Variants in CEBPZ observed in about 807,000 individuals in gnomAD.
CEBPZ encodes CCAAT enhancer binding protein zeta, also known as CCAAT/enhancer-binding protein zeta.
In CEBPZ, 78 loss-of-function variants were observed where a neutral mutation model predicts 104.5. The ratio of observed to expected loss-of-function variants is 0.75; its 90% CI spans 0.62 to 0.90. The LOEUF (loss-of-function observed/expected upper bound fraction) is 0.90, where lower values mean the gene tolerates loss of function less well. CEBPZ is among the 40% of genes least tolerant of loss of function. The pLI is 0.00. For synonymous variants in CEBPZ, 470 were observed against 427.0 expected (o/e 1.10, Z -1.24); for missense variants, 1,439 against 1,233.5 (o/e 1.17, Z -2.50).
At chr2:37,212,587 C>T (rs1439482653) in intron 10 of CEBPZ, 195 bp from the exon 11 acceptor site, 6 of 531,406 alleles carry the variant, frequency 1.1e-5, no homozygotes, top group Non-Finnish European at 2.0e-5. Context: ...TTAGTTAAAT[C>T]CCAAAACTAA....
intron 2 of CEBPZ, among the ~76,000 whole-genome samples, chr2:37,226,951 T>G (rs982814240): frequency 3.3e-5 from 5 of 151,928 alleles, no homozygotes; most frequent in African/African-American, 1.2e-4. Context: ...CCCCCAAAAC[T>G]CTCTACTTAA....
intron 1 of CEBPZ, among the ~76,000 whole-genome samples, chr2:37,229,285 G>T (rs1664975167): frequency 6.6e-6 from 1 of 151,218 alleles, no homozygotes; most frequent in Non-Finnish European, 1.5e-5. Context: ...ATTATAAACT[G>T]GAAAAAAAAT....
chr2:37,210,639 G>A (rs557340739), intron 13 of CEBPZ: 50 of 164,996 alleles, frequency 3.0e-4, no homozygotes, highest in Middle Eastern at 5.8e-3. Flanking sequence ...GGGAGGCAGT[G>A]GGGGATAAGA....
Position 37,201,665 on chromosome 2 carries a change from T to C in CEBPZ, c.*99A>G, listed in dbSNP as rs1465068358. On this transcript the variant is annotated 3_prime_UTR_variant, in exon 16 of 16. Coordinates refer to ENST00000234170, the MANE Select transcript of CEBPZ (RefSeq NM_005760.3). ...AGTTTATTACAAATCCACTGAGAAG[T>C]CTGGAATGTATGGAATCAGAGAGCT... 3 of 782,576 alleles carry C rather than the reference T, an allele frequency of 3.8e-6. No homozygotes were observed. Among genetic ancestry groups the C allele is most frequent in the Non-Finnish European group, 6.7e-6 (3 of 446,242 alleles). The allele number at this position is 782,576 out of a possible 1,614,324, so 48.5% of individuals were successfully genotyped here.
intron 5 of CEBPZ, among the ~76,000 whole-genome samples, chr2:37,219,530 C>A (rs1293634516): frequency 6.6e-6 from 1 of 151,902 alleles, no homozygotes; most frequent in African/African-American, 2.4e-5. Flanking sequence ...AGTATCAGTG[C>A]CACCGTCAAC....
At chr2:37,202,906 T>C in intron 14 of CEBPZ, 41 bp from the exon 15 acceptor site, 2 of 1,593,224 alleles carry the variant, frequency 1.3e-6, no homozygotes, top group South Asian at 1.1e-5. Context: ...AAACTAAAAA[T>C]AATGTAGAAT....
intron 2 of CEBPZ, among the ~76,000 whole-genome samples, chr2:37,224,815 A>T (rs1339083026): frequency 6.6e-6 from 1 of 152,242 alleles, no homozygotes; most frequent in Non-Finnish European, 1.5e-5. Flanking sequence ...AAGAGCAAAC[A>T]AACACTTTAA....
Position 37,228,711 on chromosome 2 carries a change from T to G in CEBPZ, c.482A>C (p.Lys161Thr), listed in dbSNP as rs777001367. Residue 161 changes from lysine to threonine, a missense_variant, in exon 2 of 16, where the codon AAA becomes ACA. Coordinates refer to ENST00000234170, the MANE Select transcript of CEBPZ (RefSeq NM_005760.3). Reference sequence around the variant, plus strand: ...AAATTCAAAGATGTTCTGTTTATCTTTCTTTACTTTCGGTGTGGTACTGCC... The same window carrying G: ...AAATTCAAAGATGTTCTGTTTATCTGTCTTTACTTTCGGTGTGGTACTGCC... ...ENGSTTPKVK[K>T]DKQNIFEFFE... 1.2e-6 allele frequency: 2 copies of G among 1,614,128 alleles called. No individual in the cohort carries two copies. Among genetic ancestry groups the G allele is most frequent in the Non-Finnish European group, 1.7e-6 (2 of 1,180,046 alleles).
chr2:37,230,068 T>G (rs2148366317), intron 1 of CEBPZ, among the ~76,000 whole-genome samples: 1 of 152,328 alleles, frequency 6.6e-6, no homozygotes, highest in East Asian at 1.9e-4. Flanking sequence ...TTAACTGTAG[T>G]ATTATTTAAA....
intron 4 of CEBPZ, among the ~76,000 whole-genome samples, 159 bp downstream of exon 4, chr2:37,222,221 T>C (rs375572371): frequency 2.6e-5 from 4 of 152,104 alleles, no homozygotes; most frequent in Non-Finnish European, 4.4e-5. Context: ...GAGGCGGAGG[T>C]TGCAGTGAGC....
At chr2:37,221,514 T>C (rs1383763962) in intron 4 of CEBPZ, among the ~76,000 whole-genome samples, 1 of 152,202 alleles carries the variant, frequency 6.6e-6, no homozygotes, top group Non-Finnish European at 1.5e-5. Context: ...GAAATAATTC[T>C]CACTTGGAAC....
At position 37,228,991 on chromosome 2, in the gene CEBPZ, T is replaced by C. The variant is rs560339421; in HGVS notation, c.202A>G (p.Ile68Val). 5 of 1,593,852 alleles carry C rather than the reference T, an allele frequency of 3.1e-6. No individual in the cohort carries two copies. Among genetic ancestry groups the C allele is most frequent in the Non-Finnish European group, 3.4e-6 (4 of 1,173,802 alleles). The change falls in exon 2 of 16, where the codon ATA (isoleucine) becomes GTA (valine). Residue 68 changes from isoleucine (I) to valine (V), a missense_variant. Ile to Val is a conservative substitution (Grantham distance 29, BLOSUM62 3). Transcript: ENST00000234170. ...LATLDENEEV[I>V]DGGKKGAIDD... The stretch of plus-strand genomic sequence containing the variant: ...ATTGCTCCTTTTTTGCCTCCATCTA[T>C]CACTTCCTCATTCTCATCCAAAGTA...
At chr2:37,216,485 G>A in intron 6 of CEBPZ, 67 bp from the exon 7 acceptor site, 2 of 1,135,184 alleles carry the variant, frequency 1.8e-6, no homozygotes, top group Non-Finnish European at 2.6e-6. Context: ...GTAAGAAAAA[G>A]GAAGAAAAAG....
At chr2:37,213,685 A>G (rs1479726767) in intron 10 of CEBPZ, 179 bp downstream of exon 10, 21 of 513,186 alleles carry the variant, frequency 4.1e-5, no homozygotes, top group Non-Finnish European at 6.8e-5. Context: ...AAGTGCTGGG[A>G]TTACAGGTGT....
At chr2:37,215,585 C>T (rs771457132) in intron 8 of CEBPZ, 4 of 152,344 alleles carry the variant, frequency 2.6e-5, no homozygotes, top group African/African-American at 7.3e-5. Context: ...TCTATAAGGT[C>T]TAATTTAATC....
Position 37,231,529 on chromosome 2 carries a change from C to T in CEBPZ, c.39G>A (p.Lys13=). ...AVKEPLEFHA[K]RPWRPEEAVE... The stretch of plus-strand genomic sequence containing the variant: ...CTGCCTCCTCGGGGCGCCAAGGCCG[C>T]TTGGCATGGAACTCCAAAGGCTCCT... The change falls in exon 1 of 16, where the codon AAG becomes AAA. Residue 13 remains lysine, a synonymous_variant. Transcript: ENST00000234170. 2 of 1,614,252 alleles carry T rather than the reference C, an allele frequency of 1.2e-6. No homozygotes were observed. Among genetic ancestry groups the T allele is most frequent in the Non-Finnish European group, 1.7e-6 (2 of 1,180,044 alleles).
Position 37,228,649 on chromosome 2 carries a change from T to C in CEBPZ, c.544A>G (p.Lys182Glu). The change falls in exon 2 of 16, where the codon AAA becomes GAA. Residue 182 changes from lysine (K) to glutamate (E), a missense_variant. Physicochemically the swap from Lys to Glu is moderately conservative, Grantham distance 56. Coordinates refer to ENST00000234170, the MANE Select transcript of CEBPZ (RefSeq NM_005760.3). The part of the protein sequence containing the change: ...RQTLLLRPGG[K>E]WYDLEYSNEY... ...TTGCTGTACTCCAGATCATACCATT[T>C]GCCTCCAGGCCTAAGTAACAAAGTC... 6.2e-7 allele frequency: 1 copy of C among 1,614,166 alleles called. No individual in the cohort carries two copies. Among genetic ancestry groups the C allele is most frequent in the South Asian group, 1.1e-5 (1 of 91,084 alleles).
chr2:37,201,775 G>C lies in CEBPZ; in HGVS notation c.3154C>G (p.Gln1052Glu), dbSNP rs866594498. Residue 1052 changes from glutamine (Q) to glutamate (E), a missense_variant, in exon 16 of 16, where the codon CAA (glutamine) becomes GAA (glutamate). Gln to Glu is a conservative substitution (Grantham distance 29, BLOSUM62 2). Coordinates refer to ENST00000234170, the MANE Select transcript of CEBPZ (RefSeq NM_005760.3). Reference sequence around the variant, plus strand: ...TTTACATTAATAACTCATTTCCTTTGTTTTTTAGTTTTTTGAGTGGTTTTA... The same window carrying C: ...TTTACATTAATAACTCATTTCCTTTCTTTTTTAGTTTTTTGAGTGGTTTTA... ...RIKTTQKTKKQRK is the reference protein window; with the variant it reads ...RIKTTQKTKKERK 1 of 1,420,574 alleles carries C rather than the reference G, an allele frequency of 7.0e-7. No homozygotes were observed. The highest frequency in any genetic ancestry group is 9.9e-7 in the Non-Finnish European group (1 of 1,005,792). 88.0% of individuals were successfully genotyped at this position (1,420,574 alleles called of 1,614,324 possible).
intron 13 of CEBPZ, among the ~76,000 whole-genome samples, chr2:37,207,946 A>G (rs1359865705): frequency 1.3e-5 from 2 of 152,182 alleles, no homozygotes; most frequent in African/African-American, 4.8e-5. Context: ...AATAAGCTCA[A>G]TTAGAGACGA....
Sources: gnomAD v4.1 joint callset for allele counts (sites outside exome capture counted in the v4.1 genomes callset) on GRCh38, gnomAD v4.1.1 for gene constraint, MANE v1.5 for transcripts, NCBI Gene and HGNC (gene_info 2026-07-23, HGNC 2026-07-21) for gene names.